Variants in ARFGAP3 observed in about 807,000 individuals in gnomAD.
ARFGAP3 encodes the protein ARF GTPase activating protein 3.
Under a neutral mutation model 75.0 loss-of-function variants are expected in ARFGAP3, and 72 were observed. The ratio of observed to expected loss-of-function variants is 0.96; its 90% CI spans 0.79 to 1.17. The LOEUF is 1.17. ARFGAP3 is among the 50% of genes most tolerant of loss of function. The probability of loss-of-function intolerance (pLI) is 0.00; values close to 1 mark genes in which losing one functional copy is unlikely to be tolerated. For synonymous variants in ARFGAP3, 221 were observed against 217.9 expected (o/e 1.01, Z -0.13); for missense variants, 620 against 626.6 (o/e 0.99, Z 0.11).
chr22:42,815,140 G>A (rs191878639), intron 11 of ARFGAP3, among the ~76,000 whole-genome samples: 162 of 152,298 alleles, frequency 1.1e-3, no homozygotes, highest in Non-Finnish European at 1.6e-3. Context: ...ATACAGACCC[G>A]TACTGCCAAG....
chr22:42,838,290 A>ATATATATTTT (rs1555899059), intron 3 of ARFGAP3, among the ~76,000 whole-genome samples: 1 of 137,180 alleles, frequency 7.3e-6, no homozygotes, highest in Non-Finnish European at 1.5e-5. Context: ...ATATATATAT[A>ATATATATTTT]TTTTTTTTTT....
intron 1 of ARFGAP3, among the ~76,000 whole-genome samples, chr22:42,848,057 T>C (rs1927101525): frequency 6.7e-6 from 1 of 150,294 alleles, no homozygotes; most frequent in South Asian, 2.1e-4. Context: ...AGAGATGGGG[T>C]TTTACCATGT....
intron 2 of ARFGAP3, among the ~76,000 whole-genome samples, chr22:42,846,725 T>C (rs1459769842): frequency 6.6e-6 from 1 of 152,224 alleles, no homozygotes; most frequent in Non-Finnish European, 1.5e-5. Flanking sequence ...TGTCTCATCA[T>C]TGACATAAAC....
intron 14 of ARFGAP3, among the ~76,000 whole-genome samples, chr22:42,800,855 C>T (rs947089437): frequency 1.3e-5 from 2 of 152,186 alleles, no homozygotes; most frequent in Non-Finnish European, 2.9e-5. Flanking sequence ...ACACAATGAG[C>T]TCCAGGAAAT....
At chr22:42,839,597 C>CAA (rs61512605) in intron 3 of ARFGAP3, among the ~76,000 whole-genome samples, 44,210 of 111,864 alleles carry the variant, frequency 0.4, 7,961 homozygotes, top group Non-Finnish European at 0.47. Flanking sequence ...AACTCTGTCT[C>CAA]AAAAAAAAAA....
At chr22:42,823,635 T>C (rs1246217851) in intron 8 of ARFGAP3, 21 bp downstream of exon 8, 6 of 1,497,788 alleles carry the variant, frequency 4.0e-6, no homozygotes, top group African/African-American at 1.4e-5. Flanking sequence ...GATTTTTATA[T>C]ATAAAGTACA....
intron 1 of ARFGAP3, among the ~76,000 whole-genome samples, chr22:42,855,607 C>T (rs1342492085): frequency 3.3e-5 from 5 of 151,824 alleles, no homozygotes; most frequent in Admixed American, 3.3e-4. Context: ...TGCTCAAACC[C>T]AGGAGGCAGA....
Position 42,831,655 on chromosome 22 carries a change from A to C in ARFGAP3, c.478-19T>G. On this transcript the variant is annotated intron_variant, in intron 5 of 15. Coordinates refer to ENST00000263245, the MANE Select transcript of ARFGAP3 (RefSeq NM_014570.5). ...CACTCACCTGAAACAAGGCGAGAAA[A>C]GTCATTAGCAGACAAAGCAAGAAAA... 1.2e-6 allele frequency: 2 copies of C among 1,613,640 alleles called. No individual in the cohort carries two copies. Among genetic ancestry groups the C allele is most frequent in the Non-Finnish European group, 1.7e-6 (2 of 1,179,824 alleles).
chr22:42,823,734 C>G, intron 7 of ARFGAP3, 32 bp from the exon 8 acceptor site: 1 of 1,486,516 alleles, frequency 6.7e-7, no homozygotes. Flanking sequence ...AAAGTAAGAC[C>G]AATAGAAATA....
At chr22:42,822,467 A>G (rs1925856405) in intron 8 of ARFGAP3, 58 bp from the exon 9 acceptor site, 15 of 1,586,248 alleles carry the variant, frequency 9.5e-6, no homozygotes, top group Non-Finnish European at 1.3e-5. Context: ...CTGTGACTAC[A>G]GCTAACATTT....
intron 14 of ARFGAP3, among the ~76,000 whole-genome samples, chr22:42,801,632 GC>G (rs773267088): frequency 2.0e-4 from 30 of 152,200 alleles, no homozygotes; most frequent in Middle Eastern, 3.4e-3. Context: ...GTAGGGGGAG[GC>G]GTGTTCCAGC....
At chr22:42,799,402 C>T in intron 14 of ARFGAP3, 1 of 216,824 alleles carries the variant, frequency 4.6e-6, no homozygotes, top group Non-Finnish European at 7.9e-6. Flanking sequence ...GAGTTCAAAT[C>T]CTGGCACTGT....
At chr22:42,797,661 C>T in intron 15 of ARFGAP3, 56 bp from the exon 16 acceptor site, 2 of 1,613,814 alleles carry the variant, frequency 1.2e-6, no homozygotes, top group African/African-American at 1.3e-5. Context: ...TCCCTGACTC[C>T]CACGCCCTGA....
Position 42,808,893 on chromosome 22 carries a change from G to A in ARFGAP3, c.1197-3C>T, listed in dbSNP as rs751910070. ...CTGGCTTGCGGCGAGCAGTAGGTCT[G>A]CAATTAAAAACAGCCAAATTAGGTT... On this transcript the variant is annotated splice_region_variant and splice_polypyrimidine_tract_variant and intron_variant, in intron 12 of 15. Transcript: ENST00000263245. 48 of 1,601,584 alleles carry A rather than the reference G, an allele frequency of 3.0e-5. No individual in the cohort carries two copies. Among genetic ancestry groups the A allele is most frequent in the Admixed American group, 6.8e-5 (4 of 58,790 alleles).
intron 4 of ARFGAP3, 45 bp from the exon 5 acceptor site, chr22:42,834,370 G>C: frequency 6.3e-7 from 1 of 1,597,506 alleles, no homozygotes; most frequent in Non-Finnish European, 8.5e-7. Context: ...CATCCGGCCT[G>C]TAAAGGATTT....
chr22:42,835,602 A>C, intron 3 of ARFGAP3, 109 bp from the exon 4 acceptor site: 6 of 1,280,866 alleles, frequency 4.7e-6, no homozygotes, highest in African/African-American at 1.5e-5. Context: ...CAGGCAGATC[A>C]CGAGGTCGGG....
chr22:42,797,794 G>A (rs1356744568), intron 15 of ARFGAP3, 189 bp from the exon 16 acceptor site: 1 of 961,024 alleles, frequency 1.0e-6, no homozygotes. Context: ...GAGGGTAGGT[G>A]TGGGCTTCAG....
At chr22:42,849,203 C>A (rs1927157947) in intron 1 of ARFGAP3, among the ~76,000 whole-genome samples, 1 of 152,234 alleles carries the variant, frequency 6.6e-6, no homozygotes. Context: ...CCAGCTAAGT[C>A]ACCCCCAAAT....
chr22:42,818,516 A>T (rs2146542773), intron 9 of ARFGAP3, among the ~76,000 whole-genome samples: 1 of 152,318 alleles, frequency 6.6e-6, no homozygotes, highest in Middle Eastern at 3.4e-3. Context: ...AAAGGGGTAA[A>T]AAGGTGTACA....
Sources: allele counts gnomAD v4.1 joint callset (sites outside exome capture counted in the v4.1 genomes callset), GRCh38; gene constraint gnomAD v4.1.1; transcripts MANE v1.5; gene names NCBI Gene and HGNC (gene_info 2026-07-23, HGNC 2026-07-21).